Variants in DNAJC15 observed in about 807,000 individuals in gnomAD.
DNAJC15 encodes the protein DnaJ heat shock protein family (Hsp40) member C15.
DNAJC15 carries 27 observed loss-of-function variants against 22.4 expected under a neutral mutation model. The ratio of observed to expected loss-of-function variants is 1.20; its 90% CI spans 0.89 to 1.66. The LOEUF (loss-of-function observed/expected upper bound fraction) is 1.66. Ranked by LOEUF, DNAJC15 falls within the 40% of genes most tolerant of loss-of-function variation. The pLI, the probability that DNAJC15 is intolerant of heterozygous loss-of-function variation, is 0.00. For synonymous variants in DNAJC15, 79 were observed against 63.2 expected (o/e 1.25, Z -1.19); for missense variants, 208 against 187.1 (o/e 1.11, Z -0.65).
intron 1 of DNAJC15, among the ~76,000 whole-genome samples, chr13:43,033,414 T>A (rs1389211355): frequency 6.6e-6 from 1 of 151,700 alleles, no homozygotes; most frequent in Non-Finnish European, 1.5e-5. Flanking sequence ...GAGACCCTAC[T>A]GGAAAAAAAA....
At chr13:43,047,112 A>G (rs1234015553) in intron 1 of DNAJC15, among the ~76,000 whole-genome samples, 1 of 152,096 alleles carries the variant, frequency 6.6e-6, no homozygotes, top group Non-Finnish European at 1.5e-5. Context: ...GGCCCACCCC[A>G]TGTTGGGAGC....
chr13:43,041,887 A>G (rs183817468), intron 1 of DNAJC15, among the ~76,000 whole-genome samples: 2 of 152,362 alleles, frequency 1.3e-5, no homozygotes, highest in East Asian at 1.9e-4. Flanking sequence ...CTAGAGGTTC[A>G]TAGCATGGTG....
chr13:43,077,755 T>A (rs992108568), intron 3 of DNAJC15, among the ~76,000 whole-genome samples: 1 of 152,212 alleles, frequency 6.6e-6, no homozygotes, highest in African/African-American at 2.4e-5. Context: ...AACAGTGTCC[T>A]CAACATCATT....
intron 1 of DNAJC15, among the ~76,000 whole-genome samples, chr13:43,037,645 A>G (rs2040434959): frequency 6.6e-6 from 1 of 152,084 alleles, no homozygotes; most frequent in Non-Finnish European, 1.5e-5. Flanking sequence ...TAAAAAGACG[A>G]TTATGTAATG....
At chr13:43,062,834 T>C (rs1335153492) in intron 1 of DNAJC15, among the ~76,000 whole-genome samples, 1 of 152,126 alleles carries the variant, frequency 6.6e-6, no homozygotes, top group African/African-American at 2.4e-5. Flanking sequence ...TTCTCCTGCC[T>C]CAGCCCCCTG....
chr13:43,052,926 T>G (rs1433202747), intron 1 of DNAJC15, among the ~76,000 whole-genome samples: 1 of 152,172 alleles, frequency 6.6e-6, no homozygotes, highest in Non-Finnish European at 1.5e-5. Context: ...TAGTTTTTGT[T>G]GCATTTGCTT....
intron 5 of DNAJC15, among the ~76,000 whole-genome samples, chr13:43,100,537 T>C (rs1372985103): frequency 6.6e-6 from 1 of 152,100 alleles, no homozygotes; most frequent in Non-Finnish European, 1.5e-5. Flanking sequence ...CATAGACATT[T>C]ATAGCAATAA....
intron 5 of DNAJC15, among the ~76,000 whole-genome samples, chr13:43,106,380 T>G (rs528715996): frequency 1.3e-5 from 2 of 152,300 alleles, no homozygotes; most frequent in African/African-American, 4.8e-5. Context: ...GGTGCTAGTA[T>G]TTTTGTATGT....
intron 5 of DNAJC15, among the ~76,000 whole-genome samples, chr13:43,095,335 G>A (rs533732039): frequency 6.6e-6 from 1 of 152,280 alleles, no homozygotes; most frequent in South Asian, 2.1e-4. Context: ...TAGGTAGATG[G>A]TGGAGCTATT....
chr13:43,038,694 AG>A (rs2040439672), intron 1 of DNAJC15, among the ~76,000 whole-genome samples: 1 of 151,462 alleles, frequency 6.6e-6, no homozygotes, highest in Middle Eastern at 3.2e-3. Context: ...CGGGAAGCTG[AG>A]GCAGGAGAAT....
At chr13:43,104,505 C>T (rs1347688534) in intron 5 of DNAJC15, among the ~76,000 whole-genome samples, 7 of 152,008 alleles carry the variant, frequency 4.6e-5, no homozygotes, top group Non-Finnish European at 1.0e-4. Flanking sequence ...TGGCCTTAAA[C>T]ATGATGGTTC....
intron 5 of DNAJC15, 126 bp from the exon 6 acceptor site, chr13:43,107,052 T>C (rs1312218685): frequency 8.4e-6 from 6 of 711,898 alleles, no homozygotes; most frequent in Non-Finnish European, 1.2e-5. Flanking sequence ...AGTTAGCTTA[T>C]AAAATAATTT....
intron 1 of DNAJC15, among the ~76,000 whole-genome samples, chr13:43,059,862 G>A (rs1278870615): frequency 6.6e-6 from 1 of 152,212 alleles, no homozygotes; most frequent in Non-Finnish European, 1.5e-5. Context: ...GCATGGGGTG[G>A]ATCTCACAAA....
At chr13:43,044,796 T>C (rs2040468805) in intron 1 of DNAJC15, among the ~76,000 whole-genome samples, 1 of 152,008 alleles carries the variant, frequency 6.6e-6, no homozygotes, top group African/African-American at 2.4e-5. Context: ...ACCTCCGAAC[T>C]CTATCTAGTA....
intron 5 of DNAJC15, among the ~76,000 whole-genome samples, chr13:43,089,602 G>A (rs59695696): frequency 6.6e-6 from 1 of 152,226 alleles, no homozygotes; most frequent in East Asian, 1.9e-4. Context: ...GAATGTAATA[G>A]GCAAATGGAA....
intron 5 of DNAJC15, among the ~76,000 whole-genome samples, chr13:43,100,236 C>G (rs2040761055): frequency 1.8e-5 from 2 of 113,836 alleles, no homozygotes; most frequent in South Asian, 6.2e-4. Flanking sequence ...GAAACAGGGT[C>G]TCACTCTGTC....
At chr13:43,094,067 T>C (rs74063412) in intron 5 of DNAJC15, among the ~76,000 whole-genome samples, 2,549 of 152,360 alleles carry the variant, frequency 0.017, 84 homozygotes, top group East Asian at 0.1. Context: ...TTCCTTGCTA[T>C]TAAACCAGAA....
chr13:43,105,847 A>G (rs1466675170), intron 5 of DNAJC15, among the ~76,000 whole-genome samples: 1 of 152,244 alleles, frequency 6.6e-6, no homozygotes, highest in African/African-American at 2.4e-5. Context: ...AAAGATAATC[A>G]TGAAATCAAC....
rs185938956 is a variant in DNAJC15, at chr13:43,033,756, C to T, written c.108+10022C>T. Among the ~76,000 whole-genome samples the T allele has an allele frequency of 2.2e-3, 337 of 152,148 alleles. 1 individual carries two copies. Among genetic ancestry groups the T allele is most frequent in the Middle Eastern group, 0.01 (3 of 294 alleles). On this transcript the variant is annotated intron_variant, in intron 1 of 5. Coordinates refer to ENST00000379221, the MANE Select transcript of DNAJC15 (RefSeq NM_013238.3). The stretch of plus-strand genomic sequence containing the variant: ...GAAAGGTGAAGTGCCAGGCTGGGTG[C>T]AGTGGCTCATGCCTGTAATCCCAGC...
Sources: gnomAD v4.1 joint callset for allele counts (sites outside exome capture counted in the v4.1 genomes callset) on GRCh38, gnomAD v4.1.1 for gene constraint, MANE v1.5 for transcripts, NCBI Gene and HGNC (gene_info 2026-07-23, HGNC 2026-07-21) for gene names.